Variants in MTCL2 observed in about 807,000 individuals in gnomAD.
MTCL2 encodes microtubule crosslinking factor 2, also known as microtubule cross-linking factor 2.
chr20:36,785,272 T>A, the MTCL2 span: 1 of 985,256 alleles, frequency 1.0e-6, no homozygotes, highest in African/African-American at 1.7e-5. Flanking sequence ...GGGGACCCCA[T>A]GCCTGCCCGT....
At chr20:36,807,865 CTTTTTTTTTTTTTTTT>C in the MTCL2 span, among the ~76,000 whole-genome samples, 5 of 53,540 alleles carry the variant, frequency 9.3e-5, no homozygotes, top group East Asian at 4.0e-3. Flanking sequence ...GAAACCCTGT[CTTTTTTTTTTTTTTTT>C]TTTTTTTTTT....
chr20:36,795,344 C>T, the MTCL2 span, among the ~76,000 whole-genome samples: 1 of 152,202 alleles, frequency 6.6e-6, no homozygotes, highest in Non-Finnish European at 1.5e-5. Context: ...CCTGCCTCTG[C>T]CTCTCAAAAT....
At chr20:36,826,860 C>T in the MTCL2 span, among the ~76,000 whole-genome samples, 2 of 151,984 alleles carry the variant, frequency 1.3e-5, no homozygotes, top group Non-Finnish European at 2.9e-5. Flanking sequence ...TTGGGATATA[C>T]CTAGAAGTGA....
At chr20:36,804,825 G>A in the MTCL2 span, 1 of 1,613,976 alleles carries the variant, frequency 6.2e-7, no homozygotes, top group Non-Finnish European at 8.5e-7. Context: ...TCAGACCACG[G>A]CGTTCATCCC....
At chr20:36,862,980 TC>T in the MTCL2 span, 1 of 1,402,660 alleles carries the variant, frequency 7.1e-7, no homozygotes, top group Admixed American at 2.5e-5. Context: ...GTCCGACACC[TC>T]CGAGCTGCTA....
chr20:36,844,897 G>A, the MTCL2 span, among the ~76,000 whole-genome samples: 1 of 151,274 alleles, frequency 6.6e-6, no homozygotes, highest in Non-Finnish European at 1.5e-5. Flanking sequence ...GCAGGTGCCT[G>A]TAATACCAGC....
chr20:36,842,710 T>C, the MTCL2 span, among the ~76,000 whole-genome samples: 1 of 152,164 alleles, frequency 6.6e-6, no homozygotes, highest in African/African-American at 2.4e-5. Context: ...AGGCAGAGGT[T>C]GCAGTGACCC....
chr20:36,808,680 G>C, the MTCL2 span: 1 of 1,611,118 alleles, frequency 6.2e-7, no homozygotes, highest in Non-Finnish European at 8.5e-7. Flanking sequence ...AGCCTCCGCT[G>C]GAGGCTCAGA....
chr20:36,821,585 G>A, the MTCL2 span, among the ~76,000 whole-genome samples: 10 of 152,174 alleles, frequency 6.6e-5, no homozygotes, highest in South Asian at 1.9e-3. Flanking sequence ...GGGTGTTGTG[G>A]CATGTGTCTG....
chr20:36,777,982 T>C, the MTCL2 span: 1 of 528,592 alleles, frequency 1.9e-6, no homozygotes, highest in South Asian at 2.6e-5. Context: ...ATCTGGCCTA[T>C]GGTGAGGTTC....
chr20:36,834,248 C>T, the MTCL2 span, among the ~76,000 whole-genome samples: 1 of 151,982 alleles, frequency 6.6e-6, no homozygotes, highest in East Asian at 1.9e-4. Context: ...CTCCTACAAA[C>T]CCCAGGAGGG....
chr20:36,785,330 A>G, the MTCL2 span: 2 of 985,388 alleles, frequency 2.0e-6, no homozygotes, highest in Non-Finnish European at 2.4e-6. Context: ...GCATGTTTCA[A>G]CCTCCAATAA....
chr20:36,815,945 C>T, the MTCL2 span: 3 of 1,612,858 alleles, frequency 1.9e-6, no homozygotes, highest in East Asian at 2.2e-5. This position sits in a 1 kb window ranked among gnomAD's most constrained non-coding sequence, Gnocchi z 5.3. Context: ...CGCCACCCAG[C>T]GCGGAGAAGG....
the MTCL2 span, chr20:36,802,946 G>A: frequency 1.9e-6 from 3 of 1,578,116 alleles, no homozygotes; most frequent in Non-Finnish European, 8.6e-7. Context: ...GCTTTTCCTG[G>A]CTCCAGTTGC....
At chr20:36,815,808 G>A in the MTCL2 span, 26 of 1,591,470 alleles carry the variant, frequency 1.6e-5, no homozygotes, top group Non-Finnish European at 2.1e-5. This position sits in a 1 kb window ranked among gnomAD's most constrained non-coding sequence, Gnocchi z 5.3. Flanking sequence ...GCGGAACTTG[G>A]CCAGCTCGTT....
At chr20:36,789,251 G>A in the MTCL2 span, among the ~76,000 whole-genome samples, 1 of 152,184 alleles carries the variant, frequency 6.6e-6, no homozygotes, top group Non-Finnish European at 1.5e-5. Flanking sequence ...TGTGGTGCTG[G>A]TTATATGGAA....
At chr20:36,833,667 A>G in the MTCL2 span, among the ~76,000 whole-genome samples, 3 of 151,896 alleles carry the variant, frequency 2.0e-5, no homozygotes, top group Middle Eastern at 6.3e-3. Context: ...TGAGCAAAAT[A>G]GGGAGACCCC....
At chr20:36,862,051 G>T in the MTCL2 span, among the ~76,000 whole-genome samples, 1 of 152,236 alleles carries the variant, frequency 6.6e-6, no homozygotes, top group East Asian at 1.9e-4. Flanking sequence ...CTCTGAACCG[G>T]TTCTCCCACG....
At chr20:36,841,970 A>G in the MTCL2 span, among the ~76,000 whole-genome samples, 3 of 150,494 alleles carry the variant, frequency 2.0e-5, no homozygotes, top group Admixed American at 6.7e-5. Context: ...AGCTCAAGCA[A>G]TCTGCCTAGC....
Sources: gnomAD v4.1 joint callset for allele counts (sites outside exome capture counted in the v4.1 genomes callset) on GRCh38, gnomAD v4.1.1 for gene constraint, Gnocchi (gnomAD v3.1) non-coding constraint, MANE v1.5 for transcripts, NCBI Gene and HGNC (gene_info 2026-07-23, HGNC 2026-07-21) for gene names.